Variants in EIF4G3 observed in about 807,000 individuals in gnomAD.
EIF4G3 encodes the protein eukaryotic translation initiation factor 4 gamma 3.
A neutral mutation model predicts 186.4 loss-of-function variants in EIF4G3; 34 were observed. The observed-to-expected ratio is 0.18, with a 90% CI of 0.14 to 0.24. The LOEUF is 0.24. Ranked by LOEUF, EIF4G3 falls within the 10% of genes least tolerant of loss-of-function variation. The probability of loss-of-function intolerance (pLI) is 1.00; values close to 1 mark genes in which losing one functional copy is unlikely to be tolerated. For synonymous variants in EIF4G3, 673 were observed against 679.5 expected, an observed-to-expected ratio of 0.99 and a Z score of 0.15; for missense variants, 1,536 against 1,948.5, an observed-to-expected ratio of 0.79 and a Z score of 3.99.
At chr1:20,992,188 A>G (rs1007201993) in intron 7 of EIF4G3, among the ~76,000 whole-genome samples, 1 of 152,202 alleles carries the variant, frequency 6.6e-6, no homozygotes, top group African/African-American at 2.4e-5. Context: ...CAAAAAACAA[A>G]AAGTTCATAA....
At chr1:21,030,907 C>A (rs1024457320) in intron 4 of EIF4G3, among the ~76,000 whole-genome samples, 1 of 152,066 alleles carries the variant, frequency 6.6e-6, no homozygotes, top group Non-Finnish European at 1.5e-5. Flanking sequence ...AAGGATCAGC[C>A]GGGTGTGGTG....
chr1:21,097,108 C>T (rs913018232), intron 2 of EIF4G3, among the ~76,000 whole-genome samples: 3 of 152,288 alleles, frequency 2.0e-5, no homozygotes, highest in Non-Finnish European at 2.9e-5. Flanking sequence ...AGAACCATGA[C>T]TATGGAATAG....
intron 23 of EIF4G3, 54 bp downstream of exon 23, chr1:20,862,174 T>C: frequency 3.6e-6 from 4 of 1,096,368 alleles, no homozygotes; most frequent in Non-Finnish European, 4.0e-6. Flanking sequence ...CCCAACCCAA[T>C]TCCTTTAAAG....
In EIF4G3 at chr1:21,052,796, T is replaced by C. The variant is rs1269609053; in HGVS notation, c.-195-1802A>G. 6.6e-5 allele frequency among the ~76,000 whole-genome samples: 10 copies of C among 152,136 alleles called. No homozygotes were observed. The South Asian group carries it at 8.3e-4, about 13-fold the overall frequency. On this transcript the variant is annotated intron_variant, in intron 3 of 36. Coordinates refer to ENST00000602326, the MANE Select transcript of EIF4G3 (RefSeq NM_001391906.1). ...CGGGGTTTCGCTGTGTTGGCCGGGC[T>C]GGTCTCCAGCTCCTAACCGCGAGTG...
At position 20,817,469 on chromosome 1, in the gene EIF4G3, C is replaced by T. The variant is rs759286296; in HGVS notation, c.4438G>A (p.Glu1480Lys). The T allele has an allele frequency of 1.9e-5, 31 of 1,606,684 alleles. No homozygotes were observed. The highest frequency in any genetic ancestry group is 8.4e-5 in the Admixed American group (5 of 59,836). Residue 1480 changes from glutamate (E) to lysine (K), a missense_variant, in exon 34 of 37, where the codon GAA (glutamate) becomes AAA (lysine). Glu to Lys is a moderately conservative substitution (Grantham distance 56). Around this residue, in one of 11 missense-constraint regions of EIF4G3, gnomAD observed 395 missense variants for 498.9 expected, o/e 0.79. Transcript: ENST00000602326. ...EALSKKELSA[E>K]ELYKRLEKLI... ...TTCTCGAGTCGCTTATACAGCTCTT[C>T]GGCAGACAGTTCTTTCTTTGAAAGT... is the stretch of plus-strand genomic sequence containing the variant.
At chr1:20,840,764 A>G in intron 30 of EIF4G3, 92 bp downstream of exon 30, 1 of 1,228,940 alleles carries the variant, frequency 8.1e-7, no homozygotes, top group Non-Finnish European at 1.1e-6. Context: ...ATCTATGGAA[A>G]AAACTAAATA....
rs140835644 is a variant in EIF4G3 at position 20,810,837 on chromosome 1, C to A, written c.4645G>T (p.Val1549Leu). ...RVDTAVIKQR[V>L]PILLKYLDSD... ...TCTAGGTACTTGAGTAAGATCGGCA[C>A]TCTCTGCTTGATAACAGCAGTGTCC... The change falls in exon 36 of 37, where the codon GTG becomes TTG. Residue 1549 changes from valine to leucine, a missense_variant. Val to Leu is a conservative substitution (Grantham distance 32). Coordinates refer to ENST00000602326, the MANE Select transcript of EIF4G3 (RefSeq NM_001391906.1). The surrounding 1 kb of genome is among the most constrained non-coding windows in gnomAD (Gnocchi z 4.1). The A allele has an allele frequency of 1.9e-6, 3 of 1,614,038 alleles. No individual in the cohort carries two copies. Among genetic ancestry groups the A allele is most frequent in the Non-Finnish European group, 2.5e-6 (3 of 1,180,004 alleles).
At chr1:20,811,632 C>G (rs1179833154) in intron 35 of EIF4G3, among the ~76,000 whole-genome samples, 1 of 152,130 alleles carries the variant, frequency 6.6e-6, no homozygotes, top group Non-Finnish European at 1.5e-5. Context: ...GAAACAGTGA[C>G]TGTGGTTTTA....
chr1:20,892,789 T>C (rs1439338723), intron 18 of EIF4G3: 1 of 1,161,386 alleles, frequency 8.6e-7, no homozygotes, highest in Non-Finnish European at 1.2e-6. Flanking sequence ...ATCTCCAGTA[T>C]TTTAGGACAC....
intron 12 of EIF4G3, among the ~76,000 whole-genome samples, chr1:20,965,424 T>C (rs527824681): frequency 4.6e-5 from 7 of 152,308 alleles, no homozygotes; most frequent in African/African-American, 1.7e-4. Flanking sequence ...TGTGCTGGCA[T>C]TAACAATAGC....
intron 3 of EIF4G3, among the ~76,000 whole-genome samples, chr1:21,052,851 G>A (rs534115901): frequency 9.6e-4 from 146 of 152,356 alleles, no homozygotes; most frequent in Non-Finnish European, 1.6e-3. Flanking sequence ...CCGAGGTGCC[G>A]GGATGGCAGA....
intron 4 of EIF4G3, among the ~76,000 whole-genome samples, chr1:21,024,211 G>A (rs1296939859): frequency 1.5e-4 from 22 of 151,250 alleles, no homozygotes; most frequent in African/African-American, 5.1e-4. Context: ...CCATCCGGGA[G>A]GGAGGTGGGG....
chr1:21,001,760 A>G (rs551249932), intron 5 of EIF4G3, among the ~76,000 whole-genome samples: 9 of 152,336 alleles, frequency 5.9e-5, no homozygotes, highest in African/African-American at 1.9e-4. Flanking sequence ...AAAGGATAAG[A>G]AAGAGATTAC....
At chr1:20,981,494 A>C (rs1033625082) in intron 8 of EIF4G3, among the ~76,000 whole-genome samples, 1 of 85,962 alleles carries the variant, frequency 1.2e-5, no homozygotes, top group Non-Finnish European at 3.3e-5. Flanking sequence ...GCATACATAC[A>C]TGTATACGCA....
chr1:21,135,578 G>A (rs2097223589), intron 2 of EIF4G3, among the ~76,000 whole-genome samples: 1 of 152,170 alleles, frequency 6.6e-6, no homozygotes, highest in South Asian at 2.1e-4. Context: ...TTCATCAAAT[G>A]TTAGTTATTA....
chr1:21,016,610 G>GATCGCGTC (rs778779520), intron 4 of EIF4G3, among the ~76,000 whole-genome samples: 5 of 152,100 alleles, frequency 3.3e-5, no homozygotes, highest in Non-Finnish European at 5.9e-5. Context: ...AGTGAGCCAT[G>GATCGCGTC]ATCGCGTCAC....
At chr1:21,058,715 CTCTCTTTTTTTTTTTTTTT>C (rs2094703872) in intron 3 of EIF4G3, among the ~76,000 whole-genome samples, 2 of 117,174 alleles carry the variant, frequency 1.7e-5, no homozygotes, top group Non-Finnish European at 1.7e-5. Flanking sequence ...TTCTCTCTCT[CTCTCTTTTTTTTTTTTTTT>C]TTTTTTTTTT....
In EIF4G3 at chr1:20,878,684, C is replaced by T. The variant is rs2081505854; in HGVS notation, c.2622+639G>A. On this transcript the variant is annotated intron_variant, in intron 20 of 36. Coordinates refer to ENST00000602326, the MANE Select transcript of EIF4G3 (RefSeq NM_001391906.1). Reference sequence around the variant, plus strand: ...ACAGACATTTCTGACACAAGTACCTCGGTAACAATAACAGGAAGAGAAAAC... The same window carrying T: ...ACAGACATTTCTGACACAAGTACCTTGGTAACAATAACAGGAAGAGAAAAC... 1.3e-5 allele frequency among the ~76,000 whole-genome samples: 2 copies of T among 152,126 alleles called. 1 individual carries two copies. The highest frequency in any genetic ancestry group is 4.1e-4 in the South Asian group (2 of 4,832).
At chr1:21,072,833 G>C (rs977063992) in intron 3 of EIF4G3, among the ~76,000 whole-genome samples, 1 of 152,198 alleles carries the variant, frequency 6.6e-6, no homozygotes, top group Non-Finnish European at 1.5e-5. Context: ...CATTGTAGTT[G>C]TAAGAATAGA....
Sources: allele counts gnomAD v4.1 joint callset (sites outside exome capture counted in the v4.1 genomes callset), GRCh38; gene constraint gnomAD v4.1.1; regional missense constraint gnomAD v4.1.1; non-coding constraint Gnocchi (gnomAD v3.1); transcripts MANE v1.5; gene names NCBI Gene and HGNC (gene_info 2026-07-23, HGNC 2026-07-21).